The following KDM3B variants were observed in gnomAD, a reference collection of about 807,000 sequenced individuals.
The protein encoded by KDM3B is lysine demethylase 3B, also known as lysine-specific demethylase 3B.
A neutral mutation model predicts 170.0 loss-of-function variants in KDM3B; 10 were observed. The observed-to-expected ratio is 0.06, with a 90% CI of 0.04 to 0.10. KDM3B has a LOEUF of 0.10. Ranked by LOEUF, KDM3B falls within the 10% of genes least tolerant of loss-of-function variation. KDM3B has a pLI of 1.00. For missense variants in KDM3B, 1,394 were observed against 2,195.2 expected (o/e 0.64, Z 7.29); for synonymous variants, 831 against 834.8 (o/e 1.00, Z 0.08).
intron 6 of KDM3B, among the ~76,000 whole-genome samples, chr5:138,382,284 C>A (rs1335595116): frequency 1.3e-5 from 2 of 149,402 alleles, no homozygotes; most frequent in African/African-American, 4.9e-5. Context: ...GCTGTCTCTA[C>A]AAAAATACAA....
rs10715941 is a variant in KDM3B at position 138,361,339 on chromosome 5, C to CT, written c.192+8365dup. Among the ~76,000 whole-genome samples, 211 of 146,394 alleles carry CT rather than the reference C, an allele frequency of 1.4e-3. 1 individual carries two copies. Among genetic ancestry groups the CT allele is most frequent in the African/African-American group, 5.1e-3 (205 of 39,892 alleles). On this transcript the variant is annotated intron_variant, in intron 1 of 23. Coordinates refer to ENST00000314358, the MANE Select transcript of KDM3B (RefSeq NM_016604.4). ...TTCAGTTTTCTAAGGGCTGAAACTC[C>CT]TTTTTTTTTTTTTCCTTTTTTCATG...
intron 9 of KDM3B, 87 bp downstream of exon 9, chr5:138,393,459 C>G (rs995591878): frequency 2.6e-6 from 3 of 1,145,878 alleles, no homozygotes; most frequent in Non-Finnish European, 3.8e-6. Flanking sequence ...AAACATGTTT[C>G]ATCATCTTGG....
rs555845608 is a variant in KDM3B at position 138,429,617 on chromosome 5, C to T, written c.4754-209C>T. On this transcript the variant is annotated intron_variant, in intron 20 of 23. Coordinates refer to ENST00000314358, the MANE Select transcript of KDM3B (RefSeq NM_016604.4). ...ATGTTTTAAGGGGAAATTATACCTC[C>T]AAAAATGCTGAATCTCTAATAAGTA... Among the ~76,000 whole-genome samples the T allele has an allele frequency of 3.6e-4, 55 of 152,286 alleles. 1 individual carries two copies. The South Asian group carries it at 0.011, about 31-fold the overall frequency.
intron 20 of KDM3B, among the ~76,000 whole-genome samples, chr5:138,428,940 C>CTTTTTTTTTTTT (rs397884825): frequency 9.9e-6 from 1 of 101,236 alleles, no homozygotes; most frequent in Non-Finnish European, 2.1e-5. Flanking sequence ...GGGATAATTT[C>CTTTTTTTTTTTT]TTTTTTTTTT....
At chr5:138,367,573 A>G (rs1368925713) in intron 1 of KDM3B, among the ~76,000 whole-genome samples, 1 of 152,226 alleles carries the variant, frequency 6.6e-6, no homozygotes, top group Non-Finnish European at 1.5e-5. Context: ...ACTTTTCTTA[A>G]CTAATAAAAT....
intron 2 of KDM3B, among the ~76,000 whole-genome samples, chr5:138,373,176 C>G (rs1232404440): frequency 1.3e-5 from 2 of 151,962 alleles, no homozygotes; most frequent in Non-Finnish European, 2.9e-5. Flanking sequence ...CCCATCTCTA[C>G]AAAAAATACA....
At chr5:138,393,397 T>A in intron 9 of KDM3B, 25 bp downstream of exon 9, 1 of 1,584,242 alleles carries the variant, frequency 6.3e-7, no homozygotes, top group Non-Finnish European at 8.7e-7. Context: ...GTTTTCCTCC[T>A]TTGCTAGTTT....
intron 1 of KDM3B, 118 bp from the exon 2 acceptor site, chr5:138,372,556 A>G (rs1761900362): frequency 1.2e-6 from 1 of 869,074 alleles, no homozygotes; most frequent in Admixed American, 2.7e-5. Context: ...AATAACTTAA[A>G]CACAAGTTAG....
rs563745119 is a variant in KDM3B, at chr5:138,436,227, T to C, written c.*527T>C. 3.8e-4 allele frequency: 58 copies of C among 153,070 alleles called. No individual in the cohort carries two copies. Among genetic ancestry groups the C allele is most frequent in the Admixed American group, 1.1e-3 (17 of 15,348 alleles). The allele number at this position is 153,070 out of a possible 1,614,324, so 9.5% of individuals were successfully genotyped here. A position where few individuals can be genotyped will look rare whatever the true frequency, so the allele number is the denominator to read the frequency against. On this transcript the variant is annotated 3_prime_UTR_variant, in exon 24 of 24. Transcript: ENST00000314358. ...ACACTCTCCTGTGAACACTGGAGTC[T>C]TGCAAGACCCAGGGAGAACCCACTG...
At chr5:138,372,948 A>G (rs1297545889) in intron 2 of KDM3B, 107 bp downstream of exon 2, 3 of 972,764 alleles carry the variant, frequency 3.1e-6, no homozygotes, top group Non-Finnish European at 4.3e-6. Flanking sequence ...TTTGTCCTTA[A>G]CGTACATTTA....
At chr5:138,432,962 T>G (rs1399303145) in intron 23 of KDM3B, among the ~76,000 whole-genome samples, 1 of 152,034 alleles carries the variant, frequency 6.6e-6, no homozygotes, top group Non-Finnish European at 1.5e-5. Context: ...GCCAGGATGG[T>G]CTTGATCGCC....
intron 5 of KDM3B, among the ~76,000 whole-genome samples, chr5:138,380,870 ATT>A (rs775619229): frequency 7.3e-6 from 1 of 136,104 alleles, no homozygotes; most frequent in Admixed American, 7.4e-5. Context: ...GCCTGGAGTG[ATT>A]TTTTTTTTTT....
chr5:138,370,646 C>T (rs1363638847), intron 1 of KDM3B, among the ~76,000 whole-genome samples: 1 of 152,120 alleles, frequency 6.6e-6, no homozygotes, highest in Non-Finnish European at 1.5e-5. Flanking sequence ...ATAGCACATA[C>T]ATCTGCAAGA....
At chr5:138,354,985 T>C (rs970582992) in intron 1 of KDM3B, among the ~76,000 whole-genome samples, 3 of 152,214 alleles carry the variant, frequency 2.0e-5, no homozygotes, top group South Asian at 2.1e-4. Context: ...ATGACCAGTG[T>C]AGGATGAGAA....
At position 138,430,274 on chromosome 5, in the gene KDM3B, A is replaced by G; in HGVS notation, c.4919A>G (p.Asn1640Ser). Reference protein sequence around the residue: ...RKVGEEQGQENPPDHDPIHDQ... With the variant: ...RKVGEEQGQESPPDHDPIHDQ... Reference sequence around the variant, plus strand: ...GTTGGAGAAGAACAAGGCCAAGAGAACCCCCCTGATCATGACCCAATTCAT... The same window carrying G: ...GTTGGAGAAGAACAAGGCCAAGAGAGCCCCCCTGATCATGACCCAATTCAT... Residue 1640 changes from asparagine to serine, a missense_variant, in exon 22 of 24, where the codon AAC becomes AGC. Around this residue, in one of 19 missense-constraint regions of KDM3B, gnomAD observed 79 missense variants for 270.5 expected, o/e 0.29. Transcript: ENST00000314358. 1 of 1,613,686 alleles carries G rather than the reference A, an allele frequency of 6.2e-7. No individual in the cohort carries two copies. The highest frequency in any genetic ancestry group is 8.5e-7 in the Non-Finnish European group (1 of 1,179,850).
Position 138,433,499 on chromosome 5 carries a change from C to T in KDM3B, c.5205+1940C>T, listed in dbSNP as rs1421969473. Among the ~76,000 whole-genome samples the T allele has an allele frequency of 2.0e-5, 3 of 151,884 alleles. No homozygotes were observed. The East Asian group carries it at 5.8e-4, about 29-fold the overall frequency. On this transcript the variant is annotated intron_variant, in intron 23 of 23. Transcript: ENST00000314358. ...TTGGCTCAACTGCATCCTTCGTCTC[C>T]TGGGTTTAAGTGATTCTCCTGCCTC...
At chr5:138,432,672 G>GA (rs892354923) in intron 23 of KDM3B, among the ~76,000 whole-genome samples, 2 of 151,666 alleles carry the variant, frequency 1.3e-5, no homozygotes, top group Non-Finnish European at 2.9e-5. Flanking sequence ...CCGTCTCAAA[G>GA]AAAAAAAAGA....
At chr5:138,417,833 T>G (rs557313541) in intron 13 of KDM3B, 1 of 445,164 alleles carries the variant, frequency 2.2e-6, no homozygotes, top group African/African-American at 1.9e-5. Context: ...CATGGTTGAC[T>G]GATAGCACAA....
intron 22 of KDM3B, 136 bp from the exon 23 acceptor site, chr5:138,431,289 C>A: frequency 1.4e-6 from 1 of 720,396 alleles, no homozygotes; most frequent in Non-Finnish European, 2.1e-6. Context: ...GCACTTACAG[C>A]TTTTCTGTGT....
Sources: allele counts gnomAD v4.1 joint callset (sites outside exome capture counted in the v4.1 genomes callset), GRCh38; gene constraint gnomAD v4.1.1; regional missense constraint gnomAD v4.1.1; transcripts MANE v1.5; gene names NCBI Gene and HGNC (gene_info 2026-07-23, HGNC 2026-07-21).